Variants in ADAMTS3 observed in about 807,000 individuals in gnomAD.
ADAMTS3 encodes the protein A disintegrin and metalloproteinase with thrombospondin motifs 3.
In ADAMTS3, 73 loss-of-function variants were observed where a neutral mutation model predicts 129.0. That is an observed-to-expected ratio of 0.57 (90% confidence interval 0.47 to 0.69). The LOEUF (loss-of-function observed/expected upper bound fraction) is 0.69, where lower values mean the gene tolerates loss of function less well. Ranked by LOEUF, ADAMTS3 falls within the 30% of genes least tolerant of loss-of-function variation. ADAMTS3 has a pLI of 0.00. For missense variants in ADAMTS3, 1,457 were observed against 1,514.5 expected (o/e 0.96, Z 0.63); for synonymous variants, 477 against 510.8 (o/e 0.93, Z 0.89).
At chr4:72,307,546 CTTG>C (rs1459175009) in intron 15 of ADAMTS3, among the ~76,000 whole-genome samples, 4 of 151,920 alleles carry the variant, frequency 2.6e-5, no homozygotes, top group Admixed American at 2.6e-4. Flanking sequence ...TTATCAAAGT[CTTG>C]TTGTTTCATT....
chr4:72,401,566 C>CAAAAAAAAAAAAAAAAAA (rs374322807), intron 4 of ADAMTS3, among the ~76,000 whole-genome samples: 34 of 36,928 alleles, frequency 9.2e-4, no homozygotes, highest in African/African-American at 1.3e-3. Context: ...TACTCTGTCT[C>CAAAAAAAAAAAAAAAAAA]AAAAAAAAAA....
chr4:72,301,226 C>CA (rs112313502), intron 17 of ADAMTS3, among the ~76,000 whole-genome samples: 34,054 of 150,580 alleles, frequency 0.23, 4,144 homozygotes, highest in East Asian at 0.47. Context: ...CTGGATTAGA[C>CA]AAAAAAAAAT....
At chr4:72,298,871 G>A (rs1049602608) in intron 17 of ADAMTS3, among the ~76,000 whole-genome samples, 9 of 148,756 alleles carry the variant, frequency 6.1e-5, no homozygotes, top group Non-Finnish European at 9.0e-5. Flanking sequence ...AAAAATTTTG[G>A]TGCATTTTAA....
chr4:72,465,453 G>C (rs140570914), intron 3 of ADAMTS3, among the ~76,000 whole-genome samples: 1 of 152,014 alleles, frequency 6.6e-6, no homozygotes, highest in Non-Finnish European at 1.5e-5. Flanking sequence ...TATTCTGACA[G>C]TGATAGGAGG....
intron 17 of ADAMTS3, among the ~76,000 whole-genome samples, chr4:72,301,212 G>C (rs905900926): frequency 2.0e-5 from 3 of 149,342 alleles, no homozygotes; most frequent in African/African-American, 7.3e-5. Flanking sequence ...AAAATGTTTT[G>C]ATGCTGGATT....
intron 3 of ADAMTS3, among the ~76,000 whole-genome samples, chr4:72,528,467 C>T (rs920295836): frequency 4.1e-5 from 6 of 147,780 alleles, no homozygotes; most frequent in Non-Finnish European, 8.9e-5. Context: ...AAGAAAATAT[C>T]ACTTTTACCC....
chr4:72,298,231 T>C (rs1235933637), intron 18 of ADAMTS3, 46 bp downstream of exon 18: 1 of 1,532,790 alleles, frequency 6.5e-7, no homozygotes, highest in Admixed American at 1.8e-5. Flanking sequence ...AAGATTGGTT[T>C]TTATATGCAT....
At chr4:72,483,350 C>A (rs1719490942) in intron 3 of ADAMTS3, among the ~76,000 whole-genome samples, 1 of 152,028 alleles carries the variant, frequency 6.6e-6, no homozygotes, top group South Asian at 2.1e-4. Context: ...TAAGTTATAC[C>A]CCAATAAATC....
intron 4 of ADAMTS3, among the ~76,000 whole-genome samples, chr4:72,364,577 G>A (rs1245389065): frequency 7.3e-5 from 11 of 150,806 alleles, no homozygotes; most frequent in African/African-American, 2.0e-4. Flanking sequence ...TTGTGCCACC[G>A]CACTCCAGCC....
intron 3 of ADAMTS3, among the ~76,000 whole-genome samples, chr4:72,484,384 G>T (rs1321844730): frequency 6.6e-6 from 1 of 151,984 alleles, no homozygotes; most frequent in Non-Finnish European, 1.5e-5. Context: ...TTCAAAACTT[G>T]GGATCCTGAC....
chr4:72,473,550 CAG>C, intron 3 of ADAMTS3, among the ~76,000 whole-genome samples: 1 of 146,274 alleles, frequency 6.8e-6, no homozygotes, highest in Middle Eastern at 3.5e-3. Flanking sequence ...CCAAACACCA[CAG>C]AAAAAAAAAA....
chr4:72,519,982 G>T (rs1014522489), intron 3 of ADAMTS3, among the ~76,000 whole-genome samples: 9 of 151,762 alleles, frequency 5.9e-5, no homozygotes, highest in Non-Finnish European at 8.8e-5. Flanking sequence ...TCTACTTTTG[G>T]TCTTTGATGA....
At chr4:72,361,033 G>A (rs115737077) in intron 4 of ADAMTS3, among the ~76,000 whole-genome samples, 1 of 152,176 alleles carries the variant, frequency 6.6e-6, no homozygotes, top group Non-Finnish European at 1.5e-5. Context: ...GGAATGAGCA[G>A]ATTCTGGCTG....
At position 72,396,142 on chromosome 4, in the gene ADAMTS3, G is replaced by T. The variant is rs140749004; in HGVS notation, c.661+18673C>A. ...CTAAAACTGGAATATAAGAGGAAAG[G>T]ATAAAGAAGGAGTAGTCCAGAAACT... On this transcript the variant is annotated intron_variant, in intron 4 of 21. Transcript: ENST00000286657. Among the ~76,000 whole-genome samples, 343 of 152,230 alleles carry T rather than the reference G, an allele frequency of 2.3e-3. 3 individuals are homozygous for T. The highest frequency in any genetic ancestry group is 7.8e-3 in the African/African-American group (324 of 41,536).
chr4:72,399,337 G>GT, intron 4 of ADAMTS3, among the ~76,000 whole-genome samples: 1 of 152,142 alleles, frequency 6.6e-6, no homozygotes, highest in Admixed American at 6.5e-5. Context: ...GGAGGCTAAG[G>GT]TAAGAGGATT....
chr4:72,536,689 G>C (rs143137897), intron 3 of ADAMTS3, among the ~76,000 whole-genome samples: 6 of 152,272 alleles, frequency 3.9e-5, no homozygotes, highest in African/African-American at 1.4e-4. Context: ...ACTGGAACTA[G>C]AGTCCAAGTT....
chr4:72,414,726 G>T (rs1722261642), intron 4 of ADAMTS3, 89 bp downstream of exon 4: 1 of 1,002,454 alleles, frequency 1.0e-6, no homozygotes, highest in Non-Finnish European at 1.4e-6. Context: ...AAGAGAACAT[G>T]GCAATCACAT....
At chr4:72,466,900 G>A (rs914640791) in intron 3 of ADAMTS3, among the ~76,000 whole-genome samples, 3 of 152,008 alleles carry the variant, frequency 2.0e-5, no homozygotes, top group Non-Finnish European at 4.4e-5. Context: ...TCTTAGTTAA[G>A]ATAATGACCT....
chr4:72,309,302 G>T, intron 15 of ADAMTS3, 95 bp downstream of exon 15: 5 of 1,281,982 alleles, frequency 3.9e-6, no homozygotes, highest in South Asian at 2.7e-5. Flanking sequence ...TTTTGATTAT[G>T]TTTATAGAGA....
Sources: allele counts gnomAD v4.1 joint callset (sites outside exome capture counted in the v4.1 genomes callset), GRCh38; gene constraint gnomAD v4.1.1; transcripts MANE v1.5; gene names NCBI Gene and HGNC (gene_info 2026-07-23, HGNC 2026-07-21).